Variants in ARHGAP15 observed in about 807,000 individuals in gnomAD.
ARHGAP15 encodes rho GTPase-activating protein 15.
A neutral mutation model predicts 63.7 loss-of-function variants in ARHGAP15; 51 were observed. The observed-to-expected ratio is 0.80, with a 90% CI of 0.64 to 1.01. The LOEUF is 1.01. Among genes scored for constraint, ARHGAP15 ranks in the 50% least tolerant of loss-of-function variants. The probability of loss-of-function intolerance (pLI) is 0.00; values close to 1 mark genes in which losing one functional copy is unlikely to be tolerated. For synonymous variants in ARHGAP15, 191 were observed against 193.8 expected (o/e 0.99, Z 0.12); for missense variants, 560 against 564.6 (o/e 0.99, Z 0.08).
chr2:143,662,980 G>A (rs1312162912), intron 12 of ARHGAP15, among the ~76,000 whole-genome samples: 5 of 141,294 alleles, frequency 3.5e-5, no homozygotes, highest in South Asian at 2.4e-4. Context: ...AACCAAGTTG[G>A]AAAACACTCT....
At chr2:143,638,257 T>C (rs1051788535) in intron 12 of ARHGAP15, among the ~76,000 whole-genome samples, 9 of 143,328 alleles carry the variant, frequency 6.3e-5, no homozygotes, top group African/African-American at 2.0e-4. Flanking sequence ...AACCCAAATG[T>C]CCAACAATGA....
intron 9 of ARHGAP15, among the ~76,000 whole-genome samples, chr2:143,491,003 A>T (rs1035732353): frequency 1.3e-5 from 2 of 152,342 alleles, no homozygotes; most frequent in African/African-American, 4.8e-5. Context: ...CCAGAAAAAA[A>T]TTCTGAATGA....
At chr2:143,646,375 T>C (rs1680879517) in intron 12 of ARHGAP15, among the ~76,000 whole-genome samples, 1 of 152,070 alleles carries the variant, frequency 6.6e-6, no homozygotes, top group African/African-American at 2.4e-5. Context: ...AAGCCACTTA[T>C]TAGCAGGGCC....
intron 10 of ARHGAP15, among the ~76,000 whole-genome samples, chr2:143,554,894 C>G (rs78668819): frequency 0.062 from 9,449 of 152,126 alleles, 407 homozygotes; most frequent in Non-Finnish European, 0.092. Context: ...ATATATGTGT[C>G]TTAGAAACTT....
intron 3 of ARHGAP15, among the ~76,000 whole-genome samples, chr2:143,210,605 T>C (rs1692526715): frequency 6.6e-6 from 1 of 152,148 alleles, no homozygotes; most frequent in Non-Finnish European, 1.5e-5. Flanking sequence ...GCTGGACATG[T>C]TGTCTTATCC....
intron 2 of ARHGAP15, among the ~76,000 whole-genome samples, chr2:143,187,479 G>C (rs1691497865): frequency 6.6e-6 from 1 of 152,170 alleles, no homozygotes; most frequent in African/African-American, 2.4e-5. Context: ...ACATCATTGA[G>C]CACTTATTTC....
At chr2:143,199,575 G>A (rs6755501) in intron 2 of ARHGAP15, among the ~76,000 whole-genome samples, 25,514 of 151,898 alleles carry the variant, frequency 0.17, 2,328 homozygotes, top group Middle Eastern at 0.24. Flanking sequence ...CAGCCAGGGT[G>A]TAAGGAAAGA....
rs144017333 is a variant in ARHGAP15, at chr2:143,227,658, A to C, written c.297-923A>C. Reference sequence around the variant, plus strand: ...AACTACGTGTATTATGGTCTGCATTAAAACCTTCGCACATCAGTATTCTTC... The same window carrying C: ...AACTACGTGTATTATGGTCTGCATTCAAACCTTCGCACATCAGTATTCTTC... On this transcript the variant is annotated intron_variant, in intron 4 of 13. Transcript: ENST00000295095. Among the ~76,000 whole-genome samples, 1,063 of 152,274 alleles carry C rather than the reference A, an allele frequency of 7.0e-3. 7 individuals carry two copies. Among genetic ancestry groups the C allele is most frequent in the Middle Eastern group, 0.041 (12 of 294 alleles).
At chr2:143,137,719 A>G (rs1689204091) in intron 1 of ARHGAP15, among the ~76,000 whole-genome samples, 1 of 152,060 alleles carries the variant, frequency 6.6e-6, no homozygotes, top group South Asian at 2.1e-4. Context: ...CCATTTCCTA[A>G]AAGAGTCAAA....
chr2:143,520,103 C>G (rs770858383), intron 10 of ARHGAP15, among the ~76,000 whole-genome samples: 12 of 152,048 alleles, frequency 7.9e-5, no homozygotes, highest in Non-Finnish European at 1.3e-4. Flanking sequence ...GCTTCATCAC[C>G]ATCTGTTACA....
At chr2:143,181,688 C>T (rs1265776737) in intron 2 of ARHGAP15, among the ~76,000 whole-genome samples, 1 of 152,186 alleles carries the variant, frequency 6.6e-6, no homozygotes, top group Non-Finnish European at 1.5e-5. Flanking sequence ...GGGCCTTGCC[C>T]TCAATTAGGT....
chr2:143,277,546 A>G (rs763215400), intron 6 of ARHGAP15, among the ~76,000 whole-genome samples: 50 of 151,790 alleles, frequency 3.3e-4, no homozygotes, highest in Admixed American at 6.6e-4. Context: ...GCAGAAGCCA[A>G]TGAGACAAAT....
At chr2:143,540,535 T>G (rs1694998134) in intron 10 of ARHGAP15, among the ~76,000 whole-genome samples, 2 of 152,224 alleles carry the variant, frequency 1.3e-5, no homozygotes, top group Admixed American at 1.3e-4. Flanking sequence ...TTTCCATGTT[T>G]AGTGCTTCCT....
At chr2:143,758,291 T>A (rs1044131007) in intron 13 of ARHGAP15, among the ~76,000 whole-genome samples, 1 of 151,382 alleles carries the variant, frequency 6.6e-6, no homozygotes, top group South Asian at 2.1e-4. Flanking sequence ...TATATATATA[T>A]AAATATATAT....
At chr2:143,516,086 A>T (rs1693803216) in intron 9 of ARHGAP15, among the ~76,000 whole-genome samples, 1 of 152,158 alleles carries the variant, frequency 6.6e-6, no homozygotes, top group African/African-American at 2.4e-5. Flanking sequence ...ACATGCTCCC[A>T]CATTGCCTCT....
chr2:143,487,598 T>C, intron 9 of ARHGAP15, 103 bp downstream of exon 9: 1 of 1,292,126 alleles, frequency 7.7e-7, no homozygotes, highest in Non-Finnish European at 1.0e-6. Context: ...TTTATTCTTC[T>C]TAGGTTGCTT....
intron 2 of ARHGAP15, among the ~76,000 whole-genome samples, chr2:143,177,844 T>C (rs1691069935): frequency 6.6e-6 from 1 of 152,192 alleles, no homozygotes; most frequent in Non-Finnish European, 1.5e-5. Context: ...TTGCCTCTCT[T>C]GTCACTGAAT....
chr2:143,217,876 G>T (rs1426053467), intron 4 of ARHGAP15, among the ~76,000 whole-genome samples: 1 of 152,088 alleles, frequency 6.6e-6, no homozygotes. Flanking sequence ...TGACAGCATT[G>T]GTCAGTTCCA....
At chr2:143,729,898 T>G (rs546313191) in intron 13 of ARHGAP15, among the ~76,000 whole-genome samples, 1 of 146,626 alleles carries the variant, frequency 6.8e-6, no homozygotes, top group African/African-American at 2.4e-5. Context: ...AAGTATAAGT[T>G]TAGGGATTTT....
Sources: gnomAD v4.1 joint callset for allele counts (sites outside exome capture counted in the v4.1 genomes callset) on GRCh38, gnomAD v4.1.1 for gene constraint, MANE v1.5 for transcripts, NCBI Gene and HGNC (gene_info 2026-07-23, HGNC 2026-07-21) for gene names.